SDHAF3: variants seen among roughly 807,000 people sequenced by gnomAD.
SDHAF3 encodes succinate dehydrogenase complex assembly factor 3.
SDHAF3 carries 18 observed loss-of-function variants against 11.5 expected under a neutral mutation model. The observed-to-expected ratio is 1.56, with a 90% CI of 1.08 to 2.32. SDHAF3 has a LOEUF of 2.32. Ranked by LOEUF, SDHAF3 falls within the 30% of genes most tolerant of loss-of-function variation. The pLI, the probability that SDHAF3 is intolerant of heterozygous loss-of-function variation, is 0.00. For missense variants in SDHAF3, 200 were observed against 154.4 expected (o/e 1.30, Z -1.57); for synonymous variants, 72 against 59.3 (o/e 1.21, Z -0.99).
At chr7:97,148,305 C>T (rs1321344272) in intron 1 of SDHAF3, among the ~76,000 whole-genome samples, 7 of 152,136 alleles carry the variant, frequency 4.6e-5, no homozygotes, top group Admixed American at 3.9e-4. Flanking sequence ...GAGGCTGAAG[C>T]GGGAGGGCCA....
At chr7:97,132,314 T>G (rs550879493) in intron 1 of SDHAF3, among the ~76,000 whole-genome samples, 20 of 152,318 alleles carry the variant, frequency 1.3e-4, no homozygotes, top group African/African-American at 4.6e-4. Flanking sequence ...TATGATTTCT[T>G]GTTGAGTTTT....
At chr7:97,143,987 G>A (rs192633084) in intron 1 of SDHAF3, among the ~76,000 whole-genome samples, 20 of 152,100 alleles carry the variant, frequency 1.3e-4, no homozygotes, top group East Asian at 3.9e-4. Flanking sequence ...CCGCATCCAC[G>A]CCAACATCTA....
chr7:97,163,658 G>A (rs1363746314), intron 1 of SDHAF3, among the ~76,000 whole-genome samples: 1 of 152,094 alleles, frequency 6.6e-6, no homozygotes, highest in African/African-American at 2.4e-5. Flanking sequence ...AACATTTGAG[G>A]TTAATATATT....
intron 1 of SDHAF3, among the ~76,000 whole-genome samples, chr7:97,154,435 T>C (rs1186742395): frequency 6.6e-6 from 1 of 152,238 alleles, no homozygotes; most frequent in Non-Finnish European, 1.5e-5. Context: ...TATATTGTCT[T>C]TGGTGAAATG....
intron 1 of SDHAF3, among the ~76,000 whole-genome samples, chr7:97,129,579 A>G (rs1791634274): frequency 2.0e-5 from 3 of 152,200 alleles, no homozygotes; most frequent in Non-Finnish European, 4.4e-5. Context: ...TGCCATCTTT[A>G]CTTGGAAATC....
intron 1 of SDHAF3, among the ~76,000 whole-genome samples, chr7:97,173,862 T>A (rs985622949): frequency 6.6e-6 from 1 of 151,656 alleles, no homozygotes; most frequent in African/African-American, 2.4e-5. Flanking sequence ...AAAATAATTC[T>A]TAATACCAAA....
rs1308750272 is a variant in SDHAF3, at chr7:97,181,242, T to C, written c.*27T>C. ...CTATACAACAAAGCTTAATAAGACA[T>C]GCAAAAATTTAGAACCCCTACTTTA... On this transcript the variant is annotated 3_prime_UTR_variant, in exon 2 of 2. Coordinates refer to ENST00000432641, the MANE Select transcript of SDHAF3 (RefSeq NM_020186.3). 6 of 1,552,028 alleles carry C rather than the reference T, an allele frequency of 3.9e-6. No homozygotes were observed. The African/African-American group carries it at 8.3e-5, about 21-fold the overall frequency.
intron 1 of SDHAF3, among the ~76,000 whole-genome samples, chr7:97,158,625 G>T (rs1005728283): frequency 6.6e-6 from 1 of 152,136 alleles, no homozygotes; most frequent in Non-Finnish European, 1.5e-5. Flanking sequence ...CACCCAGCGA[G>T]TTTCCCCATG....
intron 1 of SDHAF3, among the ~76,000 whole-genome samples, chr7:97,173,261 A>G (rs1290788697): frequency 6.6e-6 from 1 of 152,202 alleles, no homozygotes; most frequent in Non-Finnish European, 1.5e-5. Flanking sequence ...AATGTTTCTA[A>G]TTTTAAGTTA....
chr7:97,173,290 C>T (rs1437911862), intron 1 of SDHAF3, among the ~76,000 whole-genome samples: 1 of 152,158 alleles, frequency 6.6e-6, no homozygotes, highest in Non-Finnish European at 1.5e-5. Flanking sequence ...TATGTATATG[C>T]ATGTGTATAT....
chr7:97,143,450 A>G (rs1377522709), intron 1 of SDHAF3, among the ~76,000 whole-genome samples: 1 of 150,700 alleles, frequency 6.6e-6, no homozygotes, highest in East Asian at 2.0e-4. Context: ...TATCCCTCAC[A>G]CCCCTCCCAC....
rs1789768998 is a variant in SDHAF3, at chr7:97,181,209, A to C, written c.372A>C (p.Lys124Asn). 1 of 1,611,862 alleles carries C rather than the reference A, an allele frequency of 6.2e-7. No individual in the cohort carries two copies. The highest frequency in any genetic ancestry group is 1.1e-5 in the South Asian group (1 of 90,616). ...QFSISESMKPKF is the reference protein window; with the variant it reads ...QFSISESMKPNF ...GTATTTCTGAGTCTATGAAACCAAA[A>C]TTTTAGTCTATACAACAAAGCTTAA... The change falls in exon 2 of 2, where the codon AAA (lysine) becomes AAC (asparagine). Residue 124 changes from lysine (K) to asparagine (N), a missense_variant. Transcript: ENST00000432641.
At chr7:97,178,365 C>G (rs1244634362) in intron 1 of SDHAF3, among the ~76,000 whole-genome samples, 2 of 152,066 alleles carry the variant, frequency 1.3e-5, no homozygotes. Flanking sequence ...AGTTCCTGTT[C>G]TCAGTTATTT....
intron 1 of SDHAF3, among the ~76,000 whole-genome samples, chr7:97,179,123 A>G (rs1038648459): frequency 1.3e-5 from 2 of 152,174 alleles, no homozygotes; most frequent in African/African-American, 4.8e-5. Context: ...TGGATTTGAC[A>G]TCTTTATCAA....
At chr7:97,150,240 T>A (rs1413490599) in intron 1 of SDHAF3, among the ~76,000 whole-genome samples, 1 of 152,246 alleles carries the variant, frequency 6.6e-6, no homozygotes, top group African/African-American at 2.4e-5. Flanking sequence ...CTCCTGTTAA[T>A]GTTGATAGTT....
At chr7:97,130,355 A>G (rs1173830151) in intron 1 of SDHAF3, among the ~76,000 whole-genome samples, 1 of 152,066 alleles carries the variant, frequency 6.6e-6, no homozygotes, top group Non-Finnish European at 1.5e-5. Context: ...AACACCGACA[A>G]TGAGTAAACA....
intron 1 of SDHAF3, among the ~76,000 whole-genome samples, chr7:97,124,543 G>A (rs1476298607): frequency 6.6e-6 from 1 of 152,136 alleles, no homozygotes; most frequent in African/African-American, 2.4e-5. Flanking sequence ...AAAGTCAATG[G>A]TAGCTTGATA....
At chr7:97,142,343 G>A (rs751254497) in intron 1 of SDHAF3, among the ~76,000 whole-genome samples, 1 of 151,902 alleles carries the variant, frequency 6.6e-6, no homozygotes, top group Non-Finnish European at 1.5e-5. Flanking sequence ...GTGAGCCACC[G>A]CGCCTGGCCT....
At chr7:97,161,257 G>C (rs150910541) in intron 1 of SDHAF3, among the ~76,000 whole-genome samples, 9 of 152,220 alleles carry the variant, frequency 5.9e-5, no homozygotes, top group Non-Finnish European at 1.3e-4. Context: ...GGTTAAGTGT[G>C]TTAAATTATT....
Sources: gnomAD v4.1 joint callset for allele counts (sites outside exome capture counted in the v4.1 genomes callset) on GRCh38, gnomAD v4.1.1 for gene constraint, MANE v1.5 for transcripts, NCBI Gene and HGNC (gene_info 2026-07-23, HGNC 2026-07-21) for gene names.